Variants in ANKS1B observed in about 807,000 individuals in gnomAD.
ANKS1B encodes ankyrin repeat and sterile alpha motif domain containing 1B.
In ANKS1B, 36 loss-of-function variants were observed where a neutral mutation model predicts 148.3. The observed-to-expected ratio is 0.24, with a 90% CI of 0.19 to 0.32. The LOEUF (loss-of-function observed/expected upper bound fraction) is 0.32. Among genes scored for constraint, ANKS1B ranks in the 10% least tolerant of loss-of-function variants. The probability of loss-of-function intolerance (pLI) is 1.00; values close to 1 mark genes in which losing one functional copy is unlikely to be tolerated. For missense variants in ANKS1B, 1,157 were observed against 1,542.6 expected (o/e 0.75, Z 4.19); for synonymous variants, 542 against 560.8 (o/e 0.97, Z 0.47).
intron 4 of ANKS1B, among the ~76,000 whole-genome samples, chr12:99,786,013 A>G (rs2064975376): frequency 6.6e-6 from 1 of 152,230 alleles, no homozygotes; most frequent in African/African-American, 2.4e-5. Context: ...AATGTGGGGC[A>G]TGAACATTTT....
chr12:99,570,519 T>A (rs1337817580), intron 9 of ANKS1B, among the ~76,000 whole-genome samples: 1 of 151,756 alleles, frequency 6.6e-6, no homozygotes, highest in Non-Finnish European at 1.5e-5. Flanking sequence ...TGGTGGCGGG[T>A]GCCTGTAGTC....
intron 12 of ANKS1B, among the ~76,000 whole-genome samples, chr12:99,265,305 C>T (rs2076338561): frequency 6.6e-6 from 1 of 152,170 alleles, no homozygotes; most frequent in Admixed American, 6.5e-5. Context: ...CTTTTACAAA[C>T]TGTCCACTTG....
At chr12:99,139,685 G>A (rs2069894964) in intron 15 of ANKS1B, among the ~76,000 whole-genome samples, 1 of 151,638 alleles carries the variant, frequency 6.6e-6, no homozygotes, top group African/African-American at 2.4e-5. Context: ...GCTATTTGCT[G>A]TTAAGTATGC....
intron 26 of ANKS1B, among the ~76,000 whole-genome samples, chr12:98,748,294 T>C (rs2097952117): frequency 6.6e-6 from 1 of 151,792 alleles, no homozygotes; most frequent in Non-Finnish European, 1.5e-5. Flanking sequence ...CAGCTAAGGG[T>C]GAGGAGGTGA....
At chr12:99,608,999 C>A (rs183572363) in intron 9 of ANKS1B, among the ~76,000 whole-genome samples, 1 of 152,004 alleles carries the variant, frequency 6.6e-6, no homozygotes, top group Admixed American at 6.6e-5. Flanking sequence ...ATCTTAAGTT[C>A]ACCAAAAAGG....
intron 17 of ANKS1B, among the ~76,000 whole-genome samples, chr12:98,842,403 A>C (rs147638420): frequency 2.0e-3 from 301 of 152,328 alleles, no homozygotes; most frequent in Non-Finnish European, 3.0e-3. Context: ...AAAACATATC[A>C]GTGGTTATCT....
chr12:98,817,080 T>C (rs1352763104), intron 19 of ANKS1B, among the ~76,000 whole-genome samples: 1 of 152,070 alleles, frequency 6.6e-6, no homozygotes, highest in Non-Finnish European at 1.5e-5. Flanking sequence ...TATTCAGAAA[T>C]TGACCAGAAA....
At chr12:98,972,428 A>G (rs2099883987) in intron 17 of ANKS1B, among the ~76,000 whole-genome samples, 1 of 152,204 alleles carries the variant, frequency 6.6e-6, no homozygotes, top group African/African-American at 2.4e-5. Context: ...CCTATACATT[A>G]TCTCGTTTAA....
chr12:99,190,659 C>T (rs1292621500), intron 14 of ANKS1B, among the ~76,000 whole-genome samples: 1 of 151,978 alleles, frequency 6.6e-6, no homozygotes, highest in Admixed American at 6.6e-5. Flanking sequence ...ACTGAAACTG[C>T]ACCCCCTTCC....
intron 12 of ANKS1B, among the ~76,000 whole-genome samples, chr12:99,355,513 A>C (rs767302800): frequency 1.3e-5 from 2 of 152,144 alleles, no homozygotes; most frequent in Non-Finnish European, 2.9e-5. Context: ...ATTATTCAGA[A>C]TTAGATAAGC....
Position 99,293,271 on chromosome 12 carries a change from T to C in ANKS1B, c.1757-46407A>G, listed in dbSNP as rs578034970. On this transcript the variant is annotated intron_variant, in intron 12 of 26. Transcript: ENST00000683438. Reference sequence around the variant, plus strand: ...CAAGGACAGAAAACCAAACACCACATGTTCTCACTCATAGGTGGGAATTGA... The same window carrying C: ...CAAGGACAGAAAACCAAACACCACACGTTCTCACTCATAGGTGGGAATTGA... 3.0e-4 allele frequency among the ~76,000 whole-genome samples: 46 copies of C among 151,382 alleles called. No individual in the cohort carries two copies. The South Asian group carries it at 6.5e-3, about 21-fold the overall frequency.
In ANKS1B at chr12:98,781,459, G is replaced by C. The variant is rs1352079692; in HGVS notation, c.3355-256C>G. On this transcript the variant is annotated intron_variant, in intron 23 of 26. Coordinates refer to ENST00000683438, the MANE Select transcript of ANKS1B (RefSeq NM_001352186.2). The stretch of plus-strand genomic sequence containing the variant: ...GCCCTTGAGGATCTAAAAAGAGTTT[G>C]TTCCGCTACTTTGTGTGGATGAAGG... The C allele has an allele frequency of 2.8e-5, 16 of 575,096 alleles. 1 individual carries two copies. Among genetic ancestry groups the C allele is most frequent in the South Asian group, 2.4e-4 (16 of 65,568 alleles). The allele number at this position is 575,096 out of a possible 1,614,324, so 35.6% of individuals were successfully genotyped here.
intron 1 of ANKS1B, among the ~76,000 whole-genome samples, chr12:99,835,801 T>A (rs1265314583): frequency 1.3e-5 from 2 of 152,168 alleles, no homozygotes; most frequent in African/African-American, 4.8e-5. Flanking sequence ...CTTTCTAGTA[T>A]AAGGAAGAGT....
At position 99,741,244 on chromosome 12, in the gene ANKS1B, C is replaced by CACACACACA. The variant is rs1344869197; in HGVS notation, c.1128+31677_1128+31678insTGTGTGTGT. Among the ~76,000 whole-genome samples, 126 of 146,790 alleles carry CACACACACA rather than the reference C, an allele frequency of 8.6e-4. 1 individual carries two copies. Among genetic ancestry groups the CACACACACA allele is most frequent in the African/African-American group, 2.7e-3 (110 of 40,184 alleles). On this transcript the variant is annotated intron_variant, in intron 8 of 26. Transcript: ENST00000683438. ...ACACACACACACACACACACACACA[C>CACACACACA]ATCAGGAAACAACAGATGCTGGAGA...
intron 10 of ANKS1B, among the ~76,000 whole-genome samples, chr12:99,462,024 A>G (rs1291107243): frequency 6.6e-6 from 1 of 152,158 alleles, no homozygotes; most frequent in Non-Finnish European, 1.5e-5. Flanking sequence ...TTTAGTTTAG[A>G]CACAATGGCC....
downstream of ANKS1B, among the ~76,000 whole-genome samples, chr12:98,742,863 G>T (rs1029659819): frequency 6.6e-6 from 1 of 152,238 alleles, no homozygotes; most frequent in African/African-American, 2.4e-5. Flanking sequence ...ACTGGAATAT[G>T]GGGTGGGCCA....
intron 14 of ANKS1B, among the ~76,000 whole-genome samples, chr12:99,200,019 C>T (rs1339864366): frequency 6.6e-6 from 1 of 152,204 alleles, no homozygotes; most frequent in African/African-American, 2.4e-5. Flanking sequence ...AACAGCCTGA[C>T]TTGTTCAGGC....
chr12:99,108,013 G>A (rs1033652326), intron 15 of ANKS1B, among the ~76,000 whole-genome samples: 1 of 152,126 alleles, frequency 6.6e-6, no homozygotes, highest in Admixed American at 6.5e-5. Context: ...GGCCTCCCAG[G>A]AAGAACATAA....
At position 99,291,728 on chromosome 12, in the gene ANKS1B, T is replaced by TA. The variant is rs201726489; in HGVS notation, c.1757-44865dup. 5.3e-3 allele frequency among the ~76,000 whole-genome samples: 809 copies of TA among 152,028 alleles called. 7 individuals are homozygous for TA. The highest frequency in any genetic ancestry group is 0.019 in the African/African-American group (776 of 41,482). ...AAACTAGAACCTATCTCTCACCTTA[T>TA]AAAAAATCACACTACCTGACTTCAA... On this transcript the variant is annotated intron_variant, in intron 12 of 26. Coordinates refer to ENST00000683438, the MANE Select transcript of ANKS1B (RefSeq NM_001352186.2).
Sources: allele counts gnomAD v4.1 joint callset (sites outside exome capture counted in the v4.1 genomes callset), GRCh38; gene constraint gnomAD v4.1.1; transcripts MANE v1.5; gene names NCBI Gene and HGNC (gene_info 2026-07-23, HGNC 2026-07-21).